Variants in STARD13 observed in about 807,000 individuals in gnomAD.
STARD13 encodes StAR related lipid transfer domain containing 13.
Under a neutral mutation model 106.4 loss-of-function variants are expected in STARD13, and 62 were observed. That is an observed-to-expected ratio of 0.58 (90% CI 0.48 to 0.72). STARD13 has a LOEUF of 0.72. STARD13 is among the 30% of genes least tolerant of loss of function. The pLI is 0.00. For synonymous variants in STARD13, 565 were observed against 553.0 expected (o/e 1.02, Z -0.31); for missense variants, 1,387 against 1,424.0 (o/e 0.97, Z 0.42).
the STARD13 span, among the ~76,000 whole-genome samples, chr13:33,551,568 CCTTTTTTTTTTTTTT>C: frequency 4.7e-4 from 21 of 44,794 alleles, 4 homozygotes; most frequent in Admixed American, 2.1e-3. Flanking sequence ...TTTGCTTTTC[CCTTTTTTTTTTTTTT>C]TTTTTTTTTT....
chr13:33,487,928 T>G, the STARD13 span, among the ~76,000 whole-genome samples: 1 of 152,306 alleles, frequency 6.6e-6, no homozygotes, highest in South Asian at 2.1e-4. Flanking sequence ...TATGTCCTTG[T>G]ATTTGTGAGC....
the STARD13 span, among the ~76,000 whole-genome samples, chr13:33,620,086 T>C: frequency 2.0e-5 from 3 of 152,114 alleles, no homozygotes; most frequent in African/African-American, 7.2e-5. Context: ...GGTGGAATAT[T>C]CTTCATCAAA....
the STARD13 span, among the ~76,000 whole-genome samples, chr13:33,551,568 CCTTTTTTTTTTTTTTT>C: frequency 1.2e-3 from 54 of 44,792 alleles, 4 homozygotes; most frequent in Admixed American, 2.1e-3. Flanking sequence ...TTTGCTTTTC[CCTTTTTTTTTTTTTTT>C]TTTTTTTTTT....
At chr13:33,365,878 C>A in the STARD13 span, among the ~76,000 whole-genome samples, 1 of 152,092 alleles carries the variant, frequency 6.6e-6, no homozygotes, top group South Asian at 2.1e-4. Flanking sequence ...CCTTTCTGTT[C>A]TTTTCCTAAT....
intron 1 of STARD13, among the ~76,000 whole-genome samples, chr13:33,229,399 T>C (rs887311020): frequency 6.6e-6 from 1 of 152,150 alleles, no homozygotes; most frequent in Non-Finnish European, 1.5e-5. Context: ...ACTTAACATA[T>C]TCGATTTGCC....
the STARD13 span, among the ~76,000 whole-genome samples, chr13:33,645,546 TCTTTTAA>T: frequency 1.3e-5 from 2 of 152,218 alleles, no homozygotes; most frequent in African/African-American, 4.8e-5. Flanking sequence ...AAGCAGGTGC[TCTTTTAA>T]CTATGAAGTA....
chr13:33,494,276 CG>C, the STARD13 span, among the ~76,000 whole-genome samples: 1 of 152,136 alleles, frequency 6.6e-6, no homozygotes, highest in African/African-American at 2.4e-5. Context: ...CACCCCCACC[CG>C]GGGCACTTAT....
At chr13:33,353,944 T>A (rs904689028), upstream of STARD13, among the ~76,000 whole-genome samples, 1 of 152,210 alleles carries the variant, frequency 6.6e-6, no homozygotes, top group East Asian at 1.9e-4. Flanking sequence ...ACAGTTATGA[T>A]CAGTAAATAC....
the STARD13 span, among the ~76,000 whole-genome samples, chr13:33,582,106 C>G: frequency 2.6e-5 from 4 of 151,946 alleles, no homozygotes; most frequent in Non-Finnish European, 5.9e-5. Context: ...CCTGTAGTCC[C>G]AGCTACTCAG....
chr13:33,353,904 G>C (rs1001186257), upstream of STARD13, among the ~76,000 whole-genome samples: 1 of 152,200 alleles, frequency 6.6e-6, no homozygotes, highest in Admixed American at 6.5e-5. Flanking sequence ...TTACTTGCTT[G>C]TGCATCCTCA....
At chr13:33,404,023 G>T in the STARD13 span, among the ~76,000 whole-genome samples, 1 of 152,132 alleles carries the variant, frequency 6.6e-6, no homozygotes, top group South Asian at 2.1e-4. Flanking sequence ...TGAGTCATAC[G>T]CAACCTTTCA....
intron 1 of STARD13, among the ~76,000 whole-genome samples, chr13:33,329,112 CT>C (rs1459741292): frequency 6.6e-6 from 1 of 152,182 alleles, no homozygotes; most frequent in Non-Finnish European, 1.5e-5. Context: ...ATAAATTCAG[CT>C]TTTCATGAGA....
At chr13:33,231,052 G>A (rs1273752428) in intron 1 of STARD13, among the ~76,000 whole-genome samples, 1 of 152,216 alleles carries the variant, frequency 6.6e-6, no homozygotes, top group Non-Finnish European at 1.5e-5. Context: ...CTATATATAG[G>A]ATGACCTACC....
intron 1 of STARD13, among the ~76,000 whole-genome samples, chr13:33,296,498 C>G (rs1328077861): frequency 6.6e-6 from 1 of 151,956 alleles, no homozygotes; most frequent in Non-Finnish European, 1.5e-5. Context: ...TCAATAGAGT[C>G]TTATTAATTA....
At chr13:33,113,754 A>C (rs1874961677) in intron 8 of STARD13, among the ~76,000 whole-genome samples, 1 of 152,134 alleles carries the variant, frequency 6.6e-6, no homozygotes, top group Non-Finnish European at 1.5e-5. Flanking sequence ...GGTAGTGGGT[A>C]CTGGTTATGC....
intron 1 of STARD13, among the ~76,000 whole-genome samples, chr13:33,316,328 G>A (rs988630734): frequency 2.0e-5 from 3 of 152,118 alleles, no homozygotes; most frequent in Non-Finnish European, 4.4e-5. Context: ...TTTGTGAAGT[G>A]TTCCCAGTCA....
At chr13:33,604,895 C>G in the STARD13 span, among the ~76,000 whole-genome samples, 15 of 151,748 alleles carry the variant, frequency 9.9e-5, no homozygotes, top group Non-Finnish European at 2.1e-4. Context: ...AAATATAGAC[C>G]AGTCCAGACA....
intron 1 of STARD13, among the ~76,000 whole-genome samples, chr13:33,201,516 T>C (rs797193): frequency 0.17 from 25,844 of 152,218 alleles, 2,335 homozygotes; most frequent in Middle Eastern, 0.22. Flanking sequence ...TACATAGTTT[T>C]CTTCATAGTA....
chr13:33,270,531 G>A (rs1027455737), intron 1 of STARD13, among the ~76,000 whole-genome samples: 4 of 152,148 alleles, frequency 2.6e-5, no homozygotes, highest in East Asian at 3.9e-4. Flanking sequence ...AGAATAGTAG[G>A]AGCTAATAGT....
Sources: gnomAD v4.1 joint callset for allele counts (sites outside exome capture counted in the v4.1 genomes callset) on GRCh38, gnomAD v4.1.1 for gene constraint, MANE v1.5 for transcripts, NCBI Gene and HGNC (gene_info 2026-07-23, HGNC 2026-07-21) for gene names.